Variants in LRRC8B observed in about 807,000 individuals in gnomAD.
LRRC8B encodes leucine rich repeat containing 8 VRAC subunit B.
In LRRC8B, 23 loss-of-function variants were observed where a neutral mutation model predicts 58.8. The observed-to-expected ratio is 0.39, with a 90% CI of 0.28 to 0.55. LRRC8B has a LOEUF of 0.55. Ranked by LOEUF, LRRC8B falls within the 20% of genes least tolerant of loss-of-function variation. LRRC8B has a pLI of 0.62. For missense variants in LRRC8B, 694 were observed against 936.0 expected (o/e 0.74, Z 3.37); for synonymous variants, 359 against 374.1 (o/e 0.96, Z 0.47).
chr1:89,582,972 G>A lies in LRRC8B; in HGVS notation c.322G>A (p.Val108Ile), dbSNP rs138607397. 2.2e-4 allele frequency: 355 copies of A among 1,614,102 alleles called. No individual in the cohort carries two copies. The highest frequency in any genetic ancestry group is 2.7e-4 in the Non-Finnish European group (315 of 1,180,026). ...ACAGCAGTACTCCTATATTGATGCC[G>A]TCTGTTACGAGAAACAGCTCCATTG... is the stretch of plus-strand genomic sequence containing the variant. ...HRQQYSYIDA[V>I]CYEKQLHWFA... The change falls in exon 5 of 6, where the codon GTC (valine) becomes ATC (isoleucine). Residue 108 changes from valine to isoleucine, a missense_variant. By Grantham distance (29) the Val-to-Ile change is conservative. Coordinates refer to ENST00000330947, the MANE Select transcript of LRRC8B (RefSeq NM_001369817.2).
intron 1 of LRRC8B, among the ~76,000 whole-genome samples, chr1:89,555,468 A>G (rs1001402094): frequency 7.7e-4 from 117 of 152,332 alleles, no homozygotes; most frequent in African/African-American, 2.7e-3. Context: ...AAACTCTTGT[A>G]TCTGTTCAAT....
chr1:89,547,708 A>C (rs1052449497), intron 1 of LRRC8B, among the ~76,000 whole-genome samples: 1 of 152,206 alleles, frequency 6.6e-6, no homozygotes, highest in Non-Finnish European at 1.5e-5. Flanking sequence ...ATTAAATAAA[A>C]TCAAGAAACC....
chr1:89,539,850 A>G (rs1189100054), intron 1 of LRRC8B, among the ~76,000 whole-genome samples: 1 of 152,236 alleles, frequency 6.6e-6, no homozygotes, highest in African/African-American at 2.4e-5. Context: ...AATAACTTGC[A>G]ATATTTGCTC....
rs888018415 is a variant in LRRC8B, at chr1:89,595,466, C to T, written c.*2423C>T. 3.3e-5 allele frequency: 5 copies of T among 152,124 alleles called. No individual in the cohort carries two copies. Among genetic ancestry groups the T allele is most frequent in the African/African-American group, 1.2e-4 (5 of 41,436 alleles). 9.4% of individuals were successfully genotyped at this position (152,124 alleles called of 1,614,324 possible). On this transcript the variant is annotated 3_prime_UTR_variant, in exon 6 of 6. Transcript: ENST00000330947. ...GATTTGCTACCATTCACCTGACGAA[C>T]TTCTCCATGGCTCGTCACTGGTTTG...
At chr1:89,555,971 C>T (rs1029111424) in intron 1 of LRRC8B, among the ~76,000 whole-genome samples, 1 of 152,262 alleles carries the variant, frequency 6.6e-6, no homozygotes, top group South Asian at 2.1e-4. Flanking sequence ...TTAACCATAC[C>T]TAAGTTTGTT....
intron 1 of LRRC8B, among the ~76,000 whole-genome samples, chr1:89,562,078 A>G (rs114107765): frequency 0.021 from 3,198 of 151,642 alleles, 106 homozygotes; most frequent in African/African-American, 0.073. Flanking sequence ...TATTTCACAT[A>G]GGCACCCAGT....
chr1:89,531,007 G>A (rs1650093912), intron 1 of LRRC8B, among the ~76,000 whole-genome samples: 1 of 152,146 alleles, frequency 6.6e-6, no homozygotes, highest in South Asian at 2.1e-4. Context: ...ATGTATTGTG[G>A]TATGGCATGA....
At chr1:89,533,625 G>T (rs1480272483) in intron 1 of LRRC8B, among the ~76,000 whole-genome samples, 2 of 152,094 alleles carry the variant, frequency 1.3e-5, no homozygotes, top group Non-Finnish European at 2.9e-5. Flanking sequence ...CTGCTTCTAA[G>T]CTATACCTAT....
At chr1:89,568,672 G>C (rs1653209900) in intron 3 of LRRC8B, among the ~76,000 whole-genome samples, 179 bp downstream of exon 3, 1 of 152,110 alleles carries the variant, frequency 6.6e-6, no homozygotes, top group South Asian at 2.1e-4. Context: ...AATTACATCT[G>C]TATACCTTTT....
chr1:89,543,128 T>C (rs945598925), intron 1 of LRRC8B, among the ~76,000 whole-genome samples: 2 of 152,208 alleles, frequency 1.3e-5, no homozygotes, highest in Admixed American at 6.5e-5. Flanking sequence ...CCCCTAAATT[T>C]TCGTTATAGC....
chr1:89,543,753 C>T (rs1232920091), intron 1 of LRRC8B, among the ~76,000 whole-genome samples: 1 of 151,918 alleles, frequency 6.6e-6, no homozygotes, highest in African/African-American at 2.4e-5. Flanking sequence ...ACCTTGGCCT[C>T]CCAAAGTGCT....
chr1:89,584,901 T>TGCC, intron 5 of LRRC8B, 112 bp downstream of exon 5: 1 of 726,078 alleles, frequency 1.4e-6, no homozygotes. Context: ...CCAAGCCCAA[T>TGCC]CCGATCTTGC....
At chr1:89,554,683 A>G (rs540523863) in intron 1 of LRRC8B, among the ~76,000 whole-genome samples, 1 of 152,264 alleles carries the variant, frequency 6.6e-6, no homozygotes, top group Non-Finnish European at 1.5e-5. Flanking sequence ...CCTTTCTTCA[A>G]CTGAGAGTCA....
chr1:89,543,294 G>C (rs1293706794), intron 1 of LRRC8B, among the ~76,000 whole-genome samples: 1 of 152,048 alleles, frequency 6.6e-6, no homozygotes, highest in Non-Finnish European at 1.5e-5. Flanking sequence ...GGTCATCATG[G>C]GTAACAATAC....
chr1:89,542,670 A>T (rs914193284), intron 1 of LRRC8B, among the ~76,000 whole-genome samples: 1 of 152,250 alleles, frequency 6.6e-6, no homozygotes, highest in Non-Finnish European at 1.5e-5. Flanking sequence ...TAGATAAGTC[A>T]CATAACTGTC....
rs1292987906 is a variant in LRRC8B, at chr1:89,594,154, G to A, written c.*1111G>A. 1 of 152,078 alleles carries A rather than the reference G, an allele frequency of 6.6e-6. No homozygotes were observed. The highest frequency in any genetic ancestry group is 1.5e-5 in the Non-Finnish European group (1 of 68,002). 9.4% of individuals were successfully genotyped at this position (152,078 alleles called of 1,614,324 possible). ...GTATAATCTTGGATTCAACATCTGT[G>A]AGGATCATTTTTGTAAGATACATAG... On this transcript the variant is annotated 3_prime_UTR_variant, in exon 6 of 6. Transcript: ENST00000330947.
chr1:89,528,863 C>T (rs1042871756), intron 1 of LRRC8B, among the ~76,000 whole-genome samples: 2 of 152,174 alleles, frequency 1.3e-5, no homozygotes, highest in African/African-American at 4.8e-5. Context: ...CCCATGGTCT[C>T]TGAAGGAAAA....
At chr1:89,540,779 C>T (rs769957761) in intron 1 of LRRC8B, among the ~76,000 whole-genome samples, 6 of 152,042 alleles carry the variant, frequency 3.9e-5, no homozygotes, top group South Asian at 4.1e-4. Context: ...GATCATATTG[C>T]GAGACCAAGT....
chr1:89,584,308 C>T lies in LRRC8B; in HGVS notation c.1658C>T (p.Pro553Leu). ...LYLKSSLSRIPQVVTDLLPSL... is the reference protein window; with the variant it reads ...LYLKSSLSRILQVVTDLLPSL... ...TTGAAGAGCAGCCTCTCCCGGATCC[C>T]ACAAGTTGTTACAGACCTCCTGCCT... The change falls in exon 5 of 6, where the codon CCA (proline) becomes CTA (leucine). Residue 553 changes from proline to leucine, a missense_variant. Transcript: ENST00000330947. 1 of 1,614,110 alleles carries T rather than the reference C, an allele frequency of 6.2e-7. No individual in the cohort carries two copies. The highest frequency in any genetic ancestry group is 8.5e-7 in the Non-Finnish European group (1 of 1,180,028).
Sources: gnomAD v4.1 joint callset for allele counts (sites outside exome capture counted in the v4.1 genomes callset) on GRCh38, gnomAD v4.1.1 for gene constraint, MANE v1.5 for transcripts, NCBI Gene and HGNC (gene_info 2026-07-23, HGNC 2026-07-21) for gene names.